The following THRB variants were observed in gnomAD, a reference collection of about 807,000 sequenced individuals.
The protein encoded by THRB is nuclear receptor subfamily 1 group A member 2.
Under a neutral mutation model 47.8 loss-of-function variants are expected in THRB, and 12 were observed. The observed-to-expected ratio is 0.25, with a 90% confidence interval of 0.16 to 0.41. The LOEUF is 0.41. Ranked by LOEUF, THRB falls within the 10% of genes least tolerant of loss-of-function variation. The probability of loss-of-function intolerance (pLI) is 1.00; values close to 1 mark genes in which losing one functional copy is unlikely to be tolerated. For synonymous variants in THRB, 218 were observed against 212.2 expected, an observed-to-expected ratio of 1.03 and a Z score of -0.24; for missense variants, 348 against 589.2, an observed-to-expected ratio of 0.59 and a Z score of 4.24.
At chr3:24,459,932 G>A (rs933716706) in intron 1 of THRB, among the ~76,000 whole-genome samples, 2 of 151,932 alleles carry the variant, frequency 1.3e-5, no homozygotes, top group African/African-American at 2.4e-5. Context: ...ATAATATCAC[G>A]CTCTTATTAA....
At chr3:24,417,138 A>ACGTGCG (rs5847293) in intron 1 of THRB, among the ~76,000 whole-genome samples, 2 of 151,088 alleles carry the variant, frequency 1.3e-5, no homozygotes, top group African/African-American at 2.4e-5. Context: ...ACACACACAC[A>ACGTGCG]CGCGCAACGC....
chr3:24,352,706 T>A (rs1371285756), intron 1 of THRB, among the ~76,000 whole-genome samples: 1 of 152,088 alleles, frequency 6.6e-6, no homozygotes, highest in Non-Finnish European at 1.5e-5. Flanking sequence ...GATGAAAAAC[T>A]ATACACACAA....
At chr3:24,367,260 T>G (rs2064543456) in intron 1 of THRB, among the ~76,000 whole-genome samples, 1 of 152,152 alleles carries the variant, frequency 6.6e-6, no homozygotes, top group Non-Finnish European at 1.5e-5. Context: ...TGGCAAGAGA[T>G]CGGGGAAGCC....
At chr3:24,368,116 T>C (rs2149714158) in intron 1 of THRB, among the ~76,000 whole-genome samples, 1 of 152,290 alleles carries the variant, frequency 6.6e-6, no homozygotes, top group African/African-American at 2.4e-5. Context: ...TCTTTCCCCT[T>C]ATCTTATCCA....
chr3:24,132,599 C>T (rs1012191471), intron 9 of THRB, among the ~76,000 whole-genome samples: 3 of 152,220 alleles, frequency 2.0e-5, no homozygotes, highest in African/African-American at 7.2e-5. Context: ...ATGTAGCTGA[C>T]TGTAGAGACT....
chr3:24,445,384 G>A (rs1489155661), intron 1 of THRB, among the ~76,000 whole-genome samples: 2 of 152,102 alleles, frequency 1.3e-5, no homozygotes, highest in Non-Finnish European at 2.9e-5. Flanking sequence ...AGTAATAGTA[G>A]ATTTGACTGG....
intron 8 of THRB, among the ~76,000 whole-genome samples, chr3:24,137,328 A>G (rs1475959108): frequency 2.0e-5 from 3 of 152,242 alleles, no homozygotes; most frequent in Non-Finnish European, 4.4e-5. Flanking sequence ...CTGAGGTTAC[A>G]GCAATGAACA....
At chr3:24,488,771 A>G (rs2125939604) in intron 1 of THRB, among the ~76,000 whole-genome samples, 1 of 152,366 alleles carries the variant, frequency 6.6e-6, no homozygotes, top group Non-Finnish European at 1.5e-5. Flanking sequence ...AAATAGCTTT[A>G]ATAGACAGAA....
intron 3 of THRB, among the ~76,000 whole-genome samples, chr3:24,262,321 C>T (rs1358584293): frequency 6.6e-6 from 1 of 152,202 alleles, no homozygotes; most frequent in South Asian, 2.1e-4. Flanking sequence ...TGTCCCCCAA[C>T]ATTTTATTCT....
chr3:24,308,300 A>G (rs1475001580), intron 2 of THRB, among the ~76,000 whole-genome samples: 1 of 152,240 alleles, frequency 6.6e-6, no homozygotes, highest in African/African-American at 2.4e-5. Context: ...AGGCATAACT[A>G]CTACCAAAGT....
chr3:24,322,478 T>C (rs1042997955), intron 2 of THRB, among the ~76,000 whole-genome samples: 1 of 152,228 alleles, frequency 6.6e-6, no homozygotes, highest in African/African-American at 2.4e-5. Flanking sequence ...CTCCCATCTC[T>C]GTCTGATGGC....
intron 3 of THRB, among the ~76,000 whole-genome samples, chr3:24,296,074 C>G (rs771439226): frequency 6.8e-6 from 1 of 146,154 alleles, no homozygotes; most frequent in Non-Finnish European, 1.5e-5. Flanking sequence ...TTAGTTTTCT[C>G]TTTCCTACAT....
chr3:24,254,438 G>C (rs1038687990), intron 3 of THRB, among the ~76,000 whole-genome samples: 1 of 151,492 alleles, frequency 6.6e-6, no homozygotes, highest in Non-Finnish European at 1.5e-5. Flanking sequence ...AAAGGCTCAG[G>C]ATGTGTTTAA....
intron 5 of THRB, among the ~76,000 whole-genome samples, chr3:24,153,600 C>G (rs2037351512): frequency 1.3e-5 from 2 of 152,154 alleles, no homozygotes; most frequent in South Asian, 4.1e-4. Context: ...AAAGCAGAAG[C>G]CTCCTGTTTC....
intron 1 of THRB, among the ~76,000 whole-genome samples, chr3:24,342,877 G>A (rs1411102646): frequency 6.6e-6 from 1 of 152,188 alleles, no homozygotes; most frequent in Non-Finnish European, 1.5e-5. Context: ...AATACCGAGG[G>A]AATAGCAAGT....
At chr3:24,165,546 C>T (rs1204416544) in intron 5 of THRB, 1 of 558,748 alleles carries the variant, frequency 1.8e-6, no homozygotes, top group Non-Finnish European at 3.2e-6. Context: ...GTAATAGCAC[C>T]TGATGTGCTA....
At chr3:24,352,784 A>AAC (rs2063434980) in intron 1 of THRB, among the ~76,000 whole-genome samples, 1 of 152,216 alleles carries the variant, frequency 6.6e-6, no homozygotes, top group Non-Finnish European at 1.5e-5. Context: ...ACTTGGAAGA[A>AAC]ACACTCCAAA....
At chr3:24,318,935 CA>C in intron 2 of THRB, among the ~76,000 whole-genome samples, 1 of 152,278 alleles carries the variant, frequency 6.6e-6, no homozygotes, top group Admixed American at 6.5e-5. Context: ...CCTCAAAAAC[CA>C]TTGCACATGC....
chr3:24,232,501 C>A (rs7617201), intron 3 of THRB, among the ~76,000 whole-genome samples: 39,559 of 151,998 alleles, frequency 0.26, 5,649 homozygotes, highest in East Asian at 0.41. Context: ...GACCTTTAGG[C>A]CCTTCTTTCA....
Sources: gnomAD v4.1 joint callset for allele counts (sites outside exome capture counted in the v4.1 genomes callset) on GRCh38, gnomAD v4.1.1 for gene constraint, MANE v1.5 for transcripts, NCBI Gene and HGNC (gene_info 2026-07-23, HGNC 2026-07-21) for gene names.